The following TRHDE variants were observed in gnomAD, a reference collection of about 807,000 sequenced individuals.
TRHDE encodes thyrotropin releasing hormone degrading enzyme.
In TRHDE, 72 loss-of-function variants were observed where a neutral mutation model predicts 125.7. The ratio of observed to expected loss-of-function variants is 0.57; its 90% CI spans 0.47 to 0.70. TRHDE has a LOEUF of 0.70. Ranked by LOEUF, TRHDE falls within the 30% of genes least tolerant of loss-of-function variation. The pLI is 0.00. For synonymous variants in TRHDE, 509 were observed against 509.1 expected (o/e 1.00, Z 0.00); for missense variants, 1,110 against 1,327.1 (o/e 0.84, Z 2.54).
chr12:72,099,121 G>T (rs1242224770), intron 1 of TRHDE, among the ~76,000 whole-genome samples: 2 of 151,534 alleles, frequency 1.3e-5, no homozygotes, highest in Admixed American at 6.6e-5. Context: ...GCCAGATCAC[G>T]CCACTGCACT....
chr12:72,172,350 G>A (rs541308107), intron 2 of TRHDE, among the ~76,000 whole-genome samples: 1 of 152,124 alleles, frequency 6.6e-6, no homozygotes, highest in Admixed American at 6.5e-5. Flanking sequence ...CCTTTCACAA[G>A]TATTATCTTA....
intron 2 of TRHDE, among the ~76,000 whole-genome samples, chr12:72,297,940 T>C (rs1880364942): frequency 6.6e-6 from 1 of 152,204 alleles, no homozygotes; most frequent in Non-Finnish European, 1.5e-5. Flanking sequence ...GAGGAGCTTA[T>C]AGAACCATTG....
At chr12:72,199,095 C>A (rs943398932) in intron 2 of TRHDE, among the ~76,000 whole-genome samples, 3 of 152,144 alleles carry the variant, frequency 2.0e-5, no homozygotes, top group Non-Finnish European at 2.9e-5. Context: ...GTCCCTCTCC[C>A]AACATGGGGA....
chr12:72,159,172 C>G (rs1320958039), intron 2 of TRHDE, among the ~76,000 whole-genome samples: 1 of 152,142 alleles, frequency 6.6e-6, no homozygotes, highest in Non-Finnish European at 1.5e-5. Flanking sequence ...AGTGGTCAAC[C>G]AGGCAAATAT....
At chr12:72,658,384 A>G (rs1874787651) in intron 18 of TRHDE, among the ~76,000 whole-genome samples, 2 of 152,132 alleles carry the variant, frequency 1.3e-5, no homozygotes, top group South Asian at 4.1e-4. Flanking sequence ...CAGCCATTGA[A>G]GTGAGCACAG....
chr12:72,224,501 TTTGC>T (rs1479423505), intron 2 of TRHDE, among the ~76,000 whole-genome samples: 2 of 152,160 alleles, frequency 1.3e-5, no homozygotes, highest in South Asian at 2.1e-4. Context: ...AATATTATTT[TTTGC>T]TTGGAATTTG....
At chr12:72,619,786 C>G (rs1465418538) in intron 13 of TRHDE, among the ~76,000 whole-genome samples, 1 of 152,088 alleles carries the variant, frequency 6.6e-6, no homozygotes, top group Non-Finnish European at 1.5e-5. Flanking sequence ...AGCGTAAGAG[C>G]CTGCCCTGTG....
rs1047835895 is a variant in TRHDE, at chr12:72,318,756, C to T, written c.1188+31802C>T. Among the ~76,000 whole-genome samples the T allele has an allele frequency of 8.6e-5, 13 of 151,882 alleles. 1 individual carries two copies. Among genetic ancestry groups the T allele is most frequent in the African/African-American group, 2.9e-4 (12 of 41,376 alleles). ...TTAATATCCTTGTCTAAAAATGGAA[C>T]GATTTCAGAGTTATGAGGAATATAT... On this transcript the variant is annotated intron_variant, in intron 2 of 18. Transcript: ENST00000261180.
intron 2 of TRHDE, among the ~76,000 whole-genome samples, chr12:72,166,377 A>G (rs1284678532): frequency 6.6e-6 from 1 of 152,092 alleles, no homozygotes; most frequent in African/African-American, 2.4e-5. Flanking sequence ...ATACACATAC[A>G]TATATCTATG....
At chr12:72,145,940 A>G (rs920817822) in intron 2 of TRHDE, among the ~76,000 whole-genome samples, 1 of 152,230 alleles carries the variant, frequency 6.6e-6, no homozygotes, top group East Asian at 1.9e-4. Flanking sequence ...GATTCCTAAA[A>G]GTAAACTTGT....
At chr12:72,614,330 A>ATATATATTT (rs531067163) in intron 12 of TRHDE, among the ~76,000 whole-genome samples, 9 of 129,858 alleles carry the variant, frequency 6.9e-5, no homozygotes, top group Admixed American at 1.6e-4. Context: ...ATATATATAT[A>ATATATATTT]TTTTTTTTTT....
At position 72,272,756 on chromosome 12, in the gene TRHDE, G is replaced by A. The variant is rs560095975; in HGVS notation, c.113G>A (p.Ser38Asn). Reference protein sequence around the residue: ...EEEEEEGAEKSSSPFAAAMGE... With the variant: ...EEEEEEGAEKNSSPFAAAMGE... ...GAGGAGGAGGAGGGGGCCGAGAAGA[G>A]CAGCTCACCCTTCGCAGCCGCGATG... Residue 38 changes from serine to asparagine, a missense_variant, in exon 1 of 19, where the codon AGC becomes AAC. Physicochemically the swap from Ser to Asn is conservative, Grantham distance 46. This residue lies in a region of TRHDE where 248 missense variants were observed against 240.8 expected (regional missense o/e 1.03). Coordinates refer to ENST00000261180, the MANE Select transcript of TRHDE (RefSeq NM_013381.3). The surrounding 1 kb of genome is among the most constrained non-coding windows in gnomAD (Gnocchi z 6.7). 5.9e-6 allele frequency: 9 copies of A among 1,530,168 alleles called. No homozygotes were observed. In the East Asian group the frequency reaches 1.7e-4, roughly 28 times the overall value. 94.8% of individuals were successfully genotyped at this position (1,530,168 alleles called of 1,614,324 possible).
intron 6 of TRHDE, among the ~76,000 whole-genome samples, chr12:72,533,322 G>A (rs1052018862): frequency 2.6e-5 from 4 of 151,816 alleles, no homozygotes; most frequent in African/African-American, 9.7e-5. Context: ...CTACAGGTGT[G>A]CACCACCACA....
In TRHDE at chr12:72,668,491, T is replaced by C. The variant is rs1347522054; in HGVS notation, c.*5296T>C. On this transcript the variant is annotated 3_prime_UTR_variant, in exon 19 of 19. Transcript: ENST00000261180. ...TACTTTAGGGATAGTATTTTGAAGATGTTTATCTTTTGTACATTCCTAGTT... is the reference window on the plus strand; with the variant it reads ...TACTTTAGGGATAGTATTTTGAAGACGTTTATCTTTTGTACATTCCTAGTT... 1 of 151,848 alleles carries C rather than the reference T, an allele frequency of 6.6e-6. No homozygotes were observed. The highest frequency in any genetic ancestry group is 2.4e-5 in the African/African-American group (1 of 41,432). 9.4% of individuals were successfully genotyped at this position (151,848 alleles called of 1,614,324 possible).
intron 7 of TRHDE, among the ~76,000 whole-genome samples, chr12:72,550,203 TAATTACAGATGCCAGTCTGTAATTATGCC>T (rs1200409283): frequency 6.6e-6 from 1 of 151,916 alleles, no homozygotes; most frequent in Non-Finnish European, 1.5e-5. Context: ...TGTAAATCTG[TAATTACAGATGCCAGTCTGTAATTATGCC>T]AATTACAGAT....
At chr12:72,283,132 T>C (rs1009712553) in intron 1 of TRHDE, among the ~76,000 whole-genome samples, 1 of 152,204 alleles carries the variant, frequency 6.6e-6, no homozygotes, top group Non-Finnish European at 1.5e-5. Flanking sequence ...TAGAAACTCT[T>C]TGCAGGAAGG....
chr12:72,329,369 T>A (rs1869479887), intron 2 of TRHDE, among the ~76,000 whole-genome samples: 1 of 152,162 alleles, frequency 6.6e-6, no homozygotes, highest in Non-Finnish European at 1.5e-5. Flanking sequence ...GAAAATGCCG[T>A]TTGATTTGGA....
chr12:72,248,055 GCA>G (rs1487077810), intron 2 of TRHDE, among the ~76,000 whole-genome samples: 2 of 152,122 alleles, frequency 1.3e-5, no homozygotes, highest in African/African-American at 2.4e-5. Flanking sequence ...ATGTATGCAT[GCA>G]TGTGTGTATA....
intron 2 of TRHDE, among the ~76,000 whole-genome samples, chr12:72,370,049 A>C (rs1336670440): frequency 6.6e-6 from 1 of 152,164 alleles, no homozygotes; most frequent in East Asian, 1.9e-4. Context: ...TTGATTAACC[A>C]TACAGGAATT....
Sources: gnomAD v4.1 joint callset for allele counts (sites outside exome capture counted in the v4.1 genomes callset) on GRCh38, gnomAD v4.1.1 for gene constraint, gnomAD v4.1.1 regional missense constraint, Gnocchi (gnomAD v3.1) non-coding constraint, MANE v1.5 for transcripts, NCBI Gene and HGNC (gene_info 2026-07-23, HGNC 2026-07-21) for gene names.